LTBP2: variants seen among roughly 807,000 people sequenced by gnomAD.
The protein encoded by LTBP2 is latent-transforming growth factor beta-binding protein 2.
A neutral mutation model predicts 210.6 loss-of-function variants in LTBP2; 103 were observed. That is an observed-to-expected ratio of 0.49 (90% CI 0.42 to 0.58). The LOEUF is 0.58. Ranked by LOEUF, LTBP2 falls within the 20% of genes least tolerant of loss-of-function variation. The pLI is 0.00. For missense variants in LTBP2, 2,313 were observed against 2,494.5 expected (o/e 0.93, Z 1.55); for synonymous variants, 1,007 against 1,015.0 (o/e 0.99, Z 0.15).
intron 15 of LTBP2, among the ~76,000 whole-genome samples, 167 bp downstream of exon 15, chr14:74,524,957 A>C (rs1472828205): frequency 6.6e-6 from 1 of 152,188 alleles, no homozygotes; most frequent in Non-Finnish European, 1.5e-5. Flanking sequence ...TGTTCTTTGT[A>C]AGATGAGGCC....
intron 6 of LTBP2, among the ~76,000 whole-genome samples, chr14:74,551,616 C>A (rs1216118827): frequency 6.6e-6 from 1 of 152,150 alleles, no homozygotes; most frequent in African/African-American, 2.4e-5. Context: ...ATGACCCTGG[C>A]CAACCCTGGA....
chr14:74,514,204 T>C (rs148309084), intron 18 of LTBP2, among the ~76,000 whole-genome samples: 77 of 152,326 alleles, frequency 5.1e-4, no homozygotes, highest in African/African-American at 1.7e-3. Flanking sequence ...GCCTAGGGTA[T>C]GAATGTTAAT....
chr14:74,584,988 G>T (rs1270568764), intron 3 of LTBP2, among the ~76,000 whole-genome samples: 2 of 152,182 alleles, frequency 1.3e-5, no homozygotes, highest in African/African-American at 2.4e-5. Flanking sequence ...GCAAGGCAAG[G>T]TTGCAACATT....
At chr14:74,585,712 G>C in intron 3 of LTBP2, 142 bp downstream of exon 3, 3 of 1,353,112 alleles carry the variant, frequency 2.2e-6, no homozygotes, top group Non-Finnish European at 2.0e-6. Context: ...CCATGCCAGG[G>C]AAAGCCAAGG....
intron 3 of LTBP2, 47 bp from the exon 4 acceptor site, chr14:74,555,740 T>A (rs750316751): frequency 1.4e-6 from 2 of 1,384,402 alleles, no homozygotes; most frequent in Admixed American, 2.5e-5. Flanking sequence ...GGGAACAGTG[T>A]GTCTGTGCCA....
chr14:74,531,862 C>G (rs752992236), intron 10 of LTBP2, among the ~76,000 whole-genome samples: 2 of 152,246 alleles, frequency 1.3e-5, no homozygotes, highest in Non-Finnish European at 2.9e-5. Flanking sequence ...ACAGAGGTCT[C>G]TGGAAACAGG....
chr14:74,582,859 G>A (rs1363090561), intron 3 of LTBP2, among the ~76,000 whole-genome samples: 1 of 152,180 alleles, frequency 6.6e-6, no homozygotes, highest in African/African-American at 2.4e-5. Context: ...GAGAAGTGCT[G>A]GTCTAAACCA....
intron 3 of LTBP2, among the ~76,000 whole-genome samples, chr14:74,578,170 C>T (rs2088086667): frequency 6.6e-6 from 1 of 152,040 alleles, no homozygotes; most frequent in Admixed American, 6.5e-5. Context: ...GCCTCAGTTT[C>T]CCCAGCTATA....
chr14:74,526,293 CA>C (rs1250749575), intron 13 of LTBP2, among the ~76,000 whole-genome samples, 179 bp from the exon 14 acceptor site: 1 of 152,254 alleles, frequency 6.6e-6, no homozygotes, highest in Non-Finnish European at 1.5e-5. Flanking sequence ...GCACTTTACA[CA>C]CACTCACTTC....
chr14:74,600,343 G>A (rs1225059272), intron 2 of LTBP2, among the ~76,000 whole-genome samples: 1 of 152,188 alleles, frequency 6.6e-6, no homozygotes, highest in South Asian at 2.1e-4. Context: ...GTCAGGGTGG[G>A]TGACCGGGGG....
In LTBP2 at chr14:74,522,796, AGTAG is replaced by A; in HGVS notation, c.2649_2652del (p.Tyr884AlafsTer8). ...AGGGCACCCAAGTGAATACCTGTGC[AGTAG>A]GCCTGGCTGGGGTGCAGCTGGTAGC... On this transcript the variant is annotated frameshift_variant, in exon 16 of 36. Coordinates refer to ENST00000261978, the MANE Select transcript of LTBP2 (RefSeq NM_000428.3). LOFTEE classifies it high-confidence loss of function. 1.2e-6 allele frequency: 2 copies of A among 1,610,952 alleles called. No homozygotes were observed. The highest frequency in any genetic ancestry group is 1.7e-6 in the Non-Finnish European group (2 of 1,178,818).
Position 74,611,742 on chromosome 14 carries a change from AC to A in LTBP2, c.202del (p.Val68CysfsTer212). 6.2e-7 allele frequency: 1 copy of A among 1,604,668 alleles called. No individual in the cohort carries two copies. The highest frequency in any genetic ancestry group is 8.5e-7 in the Non-Finnish European group (1 of 1,178,940). ...GTCCTGCTCCCGGAACAGACTGTAC[AC>A]CTTGGCTGCAGCCGCTGCCGGGTAG... ...GSYPAAAAAK[V>X]YSLFREQDAP... On this transcript the variant is annotated frameshift_variant, in exon 1 of 36. Transcript: ENST00000261978. LOFTEE classifies it high-confidence loss of function.
rs78592255 is a variant in LTBP2 at position 74,502,494 on chromosome 14, G to A, written c.5170+159C>T. The A allele has an allele frequency of 8.0e-4, 734 of 920,046 alleles. 4 individuals are homozygous for A. In the African/African-American group the frequency reaches 0.011, roughly 14 times the overall value. The allele number at this position is 920,046 out of a possible 1,614,324, so 57.0% of individuals were successfully genotyped here. ...TTGTTAGGGTCGGACCTGGGCGTAT[G>A]TACTTGTCTCAAGCGAGCCGTGAAC... On this transcript the variant is annotated intron_variant, in intron 34 of 35. Coordinates refer to ENST00000261978, the MANE Select transcript of LTBP2 (RefSeq NM_000428.3).
rs141357296 is a variant in LTBP2 at position 74,535,223 on chromosome 14, T to C, written c.1864+703A>G. The stretch of plus-strand genomic sequence containing the variant: ...GGAAGACAGCCCAGCCATGCAGAGC[T>C]TCCCCAGACTCCTCTCTCTGAAGCA... On this transcript the variant is annotated intron_variant, in intron 9 of 35. Transcript: ENST00000261978. 9.8e-3 allele frequency among the ~76,000 whole-genome samples: 1,494 copies of C among 152,136 alleles called. 20 individuals carry two copies. The highest frequency in any genetic ancestry group is 0.015 in the Non-Finnish European group (1,046 of 67,986).
At chr14:74,520,801 AAATG>A (rs36111387) in intron 17 of LTBP2, among the ~76,000 whole-genome samples, 108,580 of 149,884 alleles carry the variant, frequency 0.72, 39,771 homozygotes, top group African/African-American at 0.84. Flanking sequence ...ACTCCATCAT[AAATG>A]AATGAATGAA....
rs571506111 is a variant in LTBP2, at chr14:74,611,999, C to G, written c.-55G>C. The G allele has an allele frequency of 2.1e-6, 3 of 1,463,144 alleles. No individual in the cohort carries two copies. The highest frequency in any genetic ancestry group is 2.7e-6 in the Non-Finnish European group (3 of 1,116,306). 90.6% of individuals were successfully genotyped at this position (1,463,144 alleles called of 1,614,324 possible). A position where few individuals can be genotyped will look rare whatever the true frequency, so the allele number is the denominator to read the frequency against. On this transcript the variant is annotated 5_prime_UTR_variant, in exon 1 of 36. Coordinates refer to ENST00000261978, the MANE Select transcript of LTBP2 (RefSeq NM_000428.3). Reference sequence around the variant, plus strand: ...CGGGCACCGCGAAGAGCTTTGTGGTCGGCACGCTGGACGCCCGCGGGCTGT... The same window carrying G: ...CGGGCACCGCGAAGAGCTTTGTGGTGGGCACGCTGGACGCCCGCGGGCTGT...
intron 3 of LTBP2, among the ~76,000 whole-genome samples, chr14:74,568,234 C>T (rs529699088): frequency 7.9e-5 from 12 of 152,320 alleles, no homozygotes; most frequent in African/African-American, 2.9e-4. Context: ...GTGCAGGACA[C>T]AGCAGGTACA....
Position 74,549,893 on chromosome 14 carries a change from T to C in LTBP2, c.1759A>G (p.Thr587Ala). ...CTGGGTGGGCATGGGGCACACAAAGTCACCCCCCAGAAGGCTCCCACACTG... is the reference window on the plus strand; with the variant it reads ...CTGGGTGGGCATGGGGCACACAAAGCCACCCCCCAGAAGGCTCCCACACTG... ...CGSVGAFWGV[T>A]LCAPCPPRPA... The change falls in exon 8 of 36, where the codon ACT becomes GCT. Residue 587 changes from threonine (T) to alanine (A), a missense_variant. By Grantham distance (58) the Thr-to-Ala change is moderately conservative (BLOSUM62 0). Coordinates refer to ENST00000261978, the MANE Select transcript of LTBP2 (RefSeq NM_000428.3). 6.2e-7 allele frequency: 1 copy of C among 1,613,960 alleles called. No individual in the cohort carries two copies.
intron 1 of LTBP2, among the ~76,000 whole-genome samples, chr14:74,604,623 G>T (rs2088498962): frequency 6.6e-6 from 1 of 151,196 alleles, no homozygotes; most frequent in Non-Finnish European, 1.5e-5. Flanking sequence ...TCGGCTCATG[G>T]CAACCTCAGT....
Sources: gnomAD v4.1 joint callset for allele counts (sites outside exome capture counted in the v4.1 genomes callset) on GRCh38, gnomAD v4.1.1 for gene constraint, MANE v1.5 for transcripts, NCBI Gene and HGNC (gene_info 2026-07-23, HGNC 2026-07-21) for gene names.